Variants in TCF7 observed in about 807,000 individuals in gnomAD.
TCF7 encodes T-cell-factor-7.
A neutral mutation model predicts 46.8 loss-of-function variants in TCF7; 19 were observed. That is an observed-to-expected ratio of 0.41 (90% CI 0.28 to 0.60). The LOEUF is 0.60. Ranked by LOEUF, TCF7 falls within the 20% of genes least tolerant of loss-of-function variation. The probability of loss-of-function intolerance (pLI) is 0.35; values close to 1 mark genes in which losing one functional copy is unlikely to be tolerated. For synonymous variants in TCF7, 245 were observed against 213.4 expected (o/e 1.15, Z -1.29); for missense variants, 547 against 504.6 (o/e 1.08, Z -0.81).
intron 8 of TCF7, chr5:134,143,305 T>G: frequency 1.3e-6 from 1 of 763,654 alleles, no homozygotes; most frequent in South Asian, 1.4e-5. Flanking sequence ...TGCTCACACA[T>G]GAGCTGTTAC....
intron 6 of TCF7, 141 bp from the exon 7 acceptor site, chr5:134,142,580 T>C: frequency 8.6e-7 from 1 of 1,161,944 alleles, no homozygotes; most frequent in Non-Finnish European, 1.2e-6. Context: ...CTCACCCATT[T>C]GGGGGCAGCT....
intron 3 of TCF7, among the ~76,000 whole-genome samples, chr5:134,121,000 C>T (rs986937243): frequency 6.6e-6 from 1 of 152,190 alleles, no homozygotes; most frequent in Non-Finnish European, 1.5e-5. Flanking sequence ...AGTGGTTGCT[C>T]AGTTGTGGGC....
chr5:134,111,871 A>T (rs970840735), upstream of TCF7, among the ~76,000 whole-genome samples: 2 of 152,172 alleles, frequency 1.3e-5, no homozygotes, highest in Non-Finnish European at 2.9e-5. Context: ...AAGCTGTGAG[A>T]ACTTAGGTGA....
chr5:134,137,989 A>G (rs973278726), intron 3 of TCF7, 70 bp from the exon 4 acceptor site: 2 of 1,278,966 alleles, frequency 1.6e-6, no homozygotes, highest in South Asian at 2.9e-5. Context: ...GGCTTCCTGT[A>G]TACCCTCATC....
chr5:134,114,032 G>T (rs553641204), upstream of TCF7, among the ~76,000 whole-genome samples: 7 of 152,324 alleles, frequency 4.6e-5, no homozygotes, highest in South Asian at 1.2e-3. Context: ...TGTGTTCGCG[G>T]CTCGGAGCCG....
At position 134,145,542 on chromosome 5, in the gene TCF7, GC is replaced by G. The variant is rs1580909022; in HGVS notation, c.1076-681del. On this transcript the variant is annotated intron_variant, in intron 9 of 9. Transcript: ENST00000342854. Reference sequence around the variant, plus strand: ...CTCAGTCAGTTTCAGGCCAGGCCTGGCAGGGCTAAGATAGAGGGTACTCCAG... The same window carrying G: ...CTCAGTCAGTTTCAGGCCAGGCCTGGAGGGCTAAGATAGAGGGTACTCCAG... The G allele has an allele frequency of 4.9e-6, 3 of 616,280 alleles. No homozygotes were observed. In the East Asian group the frequency reaches 8.5e-5, roughly 17 times the overall value. The allele number at this position is 616,280 out of a possible 1,614,324, so 38.2% of individuals were successfully genotyped here.
chr5:134,116,744 C>T (rs1755888079), intron 3 of TCF7, among the ~76,000 whole-genome samples: 1 of 152,248 alleles, frequency 6.6e-6, no homozygotes, highest in African/African-American at 2.4e-5. Flanking sequence ...AAACCATGCC[C>T]ATTGGTACAG....
At chr5:134,131,019 G>A (rs1758046649) in intron 3 of TCF7, among the ~76,000 whole-genome samples, 1 of 152,194 alleles carries the variant, frequency 6.6e-6, no homozygotes, top group Non-Finnish European at 1.5e-5. Flanking sequence ...CAGATGAGGA[G>A]GATAGCATAG....
At chr5:134,131,130 C>T (rs1758061133) in intron 3 of TCF7, among the ~76,000 whole-genome samples, 1 of 152,096 alleles carries the variant, frequency 6.6e-6, no homozygotes, top group African/African-American at 2.4e-5. Context: ...GAATCATGGC[C>T]CTCAGAGCCA....
intron 3 of TCF7, among the ~76,000 whole-genome samples, chr5:134,124,425 C>T (rs934184616): frequency 6.6e-6 from 1 of 152,184 alleles, no homozygotes; most frequent in Non-Finnish European, 1.5e-5. Context: ...CTCCTCTTGC[C>T]CAGTTCCCCA....
intron 3 of TCF7, chr5:134,123,891 G>A: frequency 2.2e-6 from 1 of 451,828 alleles, no homozygotes; most frequent in Non-Finnish European, 4.5e-6. Flanking sequence ...CAGAGCCAAG[G>A]GAGAGGTAGG....
At position 134,146,757 on chromosome 5, in the gene TCF7, T is replaced by C; in HGVS notation, c.*454T>C. The C allele has an allele frequency of 3.6e-6, 2 of 553,904 alleles. No homozygotes were observed. The highest frequency in any genetic ancestry group is 6.3e-6 in the Non-Finnish European group (2 of 315,898). The allele number at this position is 553,904 out of a possible 1,614,324, so 34.3% of individuals were successfully genotyped here. A position where few individuals can be genotyped will look rare whatever the true frequency, so the allele number is the denominator to read the frequency against. On this transcript the variant is annotated 3_prime_UTR_variant, in exon 10 of 10. Transcript: ENST00000342854. Reference sequence around the variant, plus strand: ...TCTAATTAAGGGAATCCCTTGTACCTATGGCTGCCTGCATCTATTCTTTGT... The same window carrying C: ...TCTAATTAAGGGAATCCCTTGTACCCATGGCTGCCTGCATCTATTCTTTGT...
At chr5:134,145,908 G>T (rs1350326032) in intron 9 of TCF7, 20 of 1,537,196 alleles carry the variant, frequency 1.3e-5, no homozygotes, top group Non-Finnish European at 1.7e-5. Flanking sequence ...ATCTGGAGAA[G>T]CTCAAAGGCC....
chr5:134,132,909 C>CGAATGAG (rs929841375), intron 3 of TCF7, among the ~76,000 whole-genome samples: 1 of 152,084 alleles, frequency 6.6e-6, no homozygotes, highest in Non-Finnish European at 1.5e-5. Context: ...CAGGAGCACC[C>CGAATGAG]GAATGAGGAA....
In TCF7 at chr5:134,143,341, C is replaced by G. The variant is rs775165092; in HGVS notation, c.1026+241C>G. 4 of 775,870 alleles carry G rather than the reference C, an allele frequency of 5.2e-6. No individual in the cohort carries two copies. The East Asian group carries it at 9.7e-5, about 19-fold the overall frequency. 48.1% of individuals were successfully genotyped at this position (775,870 alleles called of 1,614,324 possible). ...CCAACATTTGATTGGGCCACATGGG[C>G]AGAAGGGGAGAAAGGGGTCTGGAAG... is the stretch of plus-strand genomic sequence containing the variant. On this transcript the variant is annotated intron_variant, in intron 8 of 9. Coordinates refer to ENST00000342854, the MANE Select transcript of TCF7 (RefSeq NM_003202.5).
intron 3 of TCF7, among the ~76,000 whole-genome samples, chr5:134,131,525 AG>A (rs1434522647): frequency 7.2e-5 from 11 of 152,138 alleles, no homozygotes; most frequent in Non-Finnish European, 1.5e-4. Flanking sequence ...GCTCCAGACC[AG>A]GCTTCAGGAG....
At chr5:134,113,057 T>C (rs1287307142), upstream of TCF7, among the ~76,000 whole-genome samples, 1 of 151,902 alleles carries the variant, frequency 6.6e-6, no homozygotes, top group Non-Finnish European at 1.5e-5. Flanking sequence ...ACCTCAGGAG[T>C]TGAGGTGGCG....
intron 3 of TCF7, among the ~76,000 whole-genome samples, chr5:134,125,824 G>A (rs1001665592): frequency 1.3e-5 from 2 of 152,316 alleles, no homozygotes; most frequent in East Asian, 1.9e-4. Context: ...GGTGTCCGGT[G>A]GAAAACCCGC....
intron 8 of TCF7, 86 bp downstream of exon 8, chr5:134,143,186 A>C: frequency 7.1e-7 from 1 of 1,406,352 alleles, no homozygotes; most frequent in Non-Finnish European, 9.8e-7. Context: ...TAAGGAACGC[A>C]GAACTACTGT....
Sources: gnomAD v4.1 joint callset for allele counts (sites outside exome capture counted in the v4.1 genomes callset) on GRCh38, gnomAD v4.1.1 for gene constraint, MANE v1.5 for transcripts, NCBI Gene and HGNC (gene_info 2026-07-23, HGNC 2026-07-21) for gene names.